PARD3B: variants seen among roughly 807,000 people sequenced by gnomAD.
The protein encoded by PARD3B is partitioning defective 3 homolog B.
In PARD3B, 103 loss-of-function variants were observed where a neutral mutation model predicts 130.2. That is an observed-to-expected ratio of 0.79 (90% confidence interval 0.67 to 0.93). PARD3B has a LOEUF of 0.93. Among genes scored for constraint, PARD3B ranks in the 40% least tolerant of loss-of-function variants. The pLI is 0.00. For synonymous variants in PARD3B, 583 were observed against 553.2 expected (o/e 1.05, Z -0.76); for missense variants, 1,609 against 1,499.2 (o/e 1.07, Z -1.21).
chr2:205,612,301 C>T (rs368720224), intron 22 of PARD3B, among the ~76,000 whole-genome samples: 10 of 152,078 alleles, frequency 6.6e-5, no homozygotes, highest in African/African-American at 2.4e-4. Context: ...TATAGGCATG[C>T]ACCACCACGC....
chr2:205,249,636 C>A (rs1219392059), intron 16 of PARD3B, among the ~76,000 whole-genome samples: 1 of 152,150 alleles, frequency 6.6e-6, no homozygotes, highest in Non-Finnish European at 1.5e-5. Flanking sequence ...TGAGATTTCT[C>A]TAACCCCTAT....
rs543569568 is a variant in PARD3B, at chr2:205,145,386, A to G, written c.1435-13336A>G. Among the ~76,000 whole-genome samples the G allele has an allele frequency of 4.0e-3, 606 of 152,312 alleles. 3 individuals are homozygous for G. The highest frequency in any genetic ancestry group is 0.014 in the African/African-American group (564 of 41,562). On this transcript the variant is annotated intron_variant, in intron 10 of 22. Transcript: ENST00000406610. ...GAAATGAAACATCATTTATCCATTT[A>G]TGGAATAAAGACAAGACTCAATTCT... is the stretch of plus-strand genomic sequence containing the variant.
At chr2:204,893,077 G>C (rs1291790721) in intron 2 of PARD3B, among the ~76,000 whole-genome samples, 2 of 152,152 alleles carry the variant, frequency 1.3e-5, no homozygotes, top group Non-Finnish European at 2.9e-5. Flanking sequence ...GGACATTCCA[G>C]TATCTATGTG....
At chr2:205,106,053 A>G (rs917389655) in intron 5 of PARD3B, among the ~76,000 whole-genome samples, 30 of 152,174 alleles carry the variant, frequency 2.0e-4, no homozygotes, top group Non-Finnish European at 3.8e-4. Flanking sequence ...TTATGGCTGT[A>G]TGAACAAATT....
At chr2:205,090,205 T>A (rs946261671) in intron 4 of PARD3B, among the ~76,000 whole-genome samples, 2 of 152,170 alleles carry the variant, frequency 1.3e-5, no homozygotes, top group Non-Finnish European at 2.9e-5. Context: ...GGCGGAGTGA[T>A]TGGGCATAGT....
chr2:205,371,877 C>G (rs889040337), intron 18 of PARD3B, among the ~76,000 whole-genome samples: 25 of 152,058 alleles, frequency 1.6e-4, no homozygotes, highest in Non-Finnish European at 3.5e-4. Flanking sequence ...TTTGTCTATT[C>G]TATATATTTA....
intron 21 of PARD3B, among the ~76,000 whole-genome samples, chr2:205,536,938 A>C (rs1246281332): frequency 6.6e-6 from 1 of 152,142 alleles, no homozygotes; most frequent in Non-Finnish European, 1.5e-5. Flanking sequence ...GGCGTTGTAC[A>C]TTTTCTAACA....
intron 2 of PARD3B, among the ~76,000 whole-genome samples, chr2:204,733,738 T>C (rs532540340): frequency 1.3e-5 from 2 of 152,178 alleles, no homozygotes; most frequent in South Asian, 2.1e-4. Flanking sequence ...ACCACAGTTA[T>C]ACAGTCAATT....
At chr2:205,203,062 T>C (rs2037077935) in intron 15 of PARD3B, among the ~76,000 whole-genome samples, 2 of 152,146 alleles carry the variant, frequency 1.3e-5, no homozygotes, top group Non-Finnish European at 2.9e-5. Flanking sequence ...GAATATGTAG[T>C]TAATTTAAAA....
chr2:204,605,210 C>T (rs969250744), intron 1 of PARD3B, among the ~76,000 whole-genome samples: 1 of 152,024 alleles, frequency 6.6e-6, no homozygotes, highest in African/African-American at 2.4e-5. Flanking sequence ...AAAGAAGGCC[C>T]CAATTCAAGG....
At chr2:205,286,265 A>T (rs940340701) in intron 16 of PARD3B, among the ~76,000 whole-genome samples, 2 of 152,190 alleles carry the variant, frequency 1.3e-5, no homozygotes, top group East Asian at 3.9e-4. Flanking sequence ...CTATAAAATG[A>T]GGATAATATT....
chr2:205,415,684 C>A (rs747897305), intron 19 of PARD3B, among the ~76,000 whole-genome samples: 1 of 152,214 alleles, frequency 6.6e-6, no homozygotes, highest in Non-Finnish European at 1.5e-5. Flanking sequence ...TACCTTGGTC[C>A]ATACTGCTCT....
chr2:205,331,547 C>T (rs1288239029), intron 18 of PARD3B, among the ~76,000 whole-genome samples: 2 of 151,788 alleles, frequency 1.3e-5, no homozygotes, highest in Admixed American at 6.6e-5. Context: ...TTTGAGAGGC[C>T]GAGGCGGGTG....
chr2:205,150,616 A>C (rs1269512337), intron 10 of PARD3B, among the ~76,000 whole-genome samples: 1 of 152,156 alleles, frequency 6.6e-6, no homozygotes, highest in Non-Finnish European at 1.5e-5. Context: ...AGAGGGCACT[A>C]ATTATGGCTT....
In PARD3B at chr2:205,591,800, A is replaced by T. The variant is rs567612799; in HGVS notation, c.3261-23656A>T. 1.3e-5 allele frequency among the ~76,000 whole-genome samples: 2 copies of T among 152,344 alleles called. No homozygotes were observed. Among genetic ancestry groups the T allele is most frequent in the African/African-American group, 4.8e-5 (2 of 41,584 alleles). On this transcript the variant is annotated intron_variant, in intron 22 of 22. Transcript: ENST00000406610. The surrounding 1 kb of genome is among the most constrained non-coding windows in gnomAD (Gnocchi z 4.2). ...CTGGTGGTTCAGGTCACTGAAGAAA[A>T]GGAAGCTGTCCGGTTTGGATAAAAA...
At chr2:205,154,860 C>T (rs2034008702) in intron 10 of PARD3B, among the ~76,000 whole-genome samples, 1 of 152,076 alleles carries the variant, frequency 6.6e-6, no homozygotes, top group African/African-American at 2.4e-5. Context: ...AACAGTTGGA[C>T]ACAGGGTGGG....
rs1483264398 is a variant in PARD3B at position 205,116,168 on chromosome 2, T to C, written c.680+2591T>C. Among the ~76,000 whole-genome samples, 1 of 152,178 alleles carries C rather than the reference T, an allele frequency of 6.6e-6. No individual in the cohort carries two copies. The highest frequency in any genetic ancestry group is 6.5e-5 in the Admixed American group (1 of 15,278). ...AAAAAAACACCAAAGTTCTTGCAAC[T>C]AAAATGCAACTTAATTTTATTCAGA... is the stretch of plus-strand genomic sequence containing the variant. On this transcript the variant is annotated intron_variant, in intron 6 of 22. Coordinates refer to ENST00000406610, the MANE Select transcript of PARD3B (RefSeq NM_001302769.2). The surrounding 1 kb of genome is among the most constrained non-coding windows in gnomAD (Gnocchi z 4.5).
Position 205,121,662 on chromosome 2 carries a change from G to T in PARD3B, c.878G>T (p.Arg293Leu). ...CTCCACGTGCTTCCTCCACAAAACCGTGAACAGTATGAAAAGTCAGTCATT... is the reference window on the plus strand; with the variant it reads ...CTCCACGTGCTTCCTCCACAAAACCTTGAACAGTATGAAAAGTCAGTCATT... ...VLLHVLPPQN[R>L]EQYEKSVIGS... is the part of the protein sequence containing the mutation. Residue 293 changes from arginine (R) to leucine (L), a missense_variant, in exon 8 of 23, where the codon CGT becomes CTT. By Grantham distance (102) the Arg-to-Leu change is moderately radical (BLOSUM62 -2). Coordinates refer to ENST00000406610, the MANE Select transcript of PARD3B (RefSeq NM_001302769.2). The surrounding 1 kb of genome is among the most constrained non-coding windows in gnomAD (Gnocchi z 5.0). 1 of 1,614,088 alleles carries T rather than the reference G, an allele frequency of 6.2e-7. No individual in the cohort carries two copies. The highest frequency in any genetic ancestry group is 8.5e-7 in the Non-Finnish European group (1 of 1,180,032).
At chr2:205,608,386 G>T (rs2055096876) in intron 22 of PARD3B, among the ~76,000 whole-genome samples, 1 of 152,096 alleles carries the variant, frequency 6.6e-6, no homozygotes, top group South Asian at 2.1e-4. Context: ...TGATTTAAGG[G>T]GCCTATCAAG....
Sources: allele counts gnomAD v4.1 joint callset (sites outside exome capture counted in the v4.1 genomes callset), GRCh38; gene constraint gnomAD v4.1.1; non-coding constraint Gnocchi (gnomAD v3.1); transcripts MANE v1.5; gene names NCBI Gene and HGNC (gene_info 2026-07-23, HGNC 2026-07-21).